The following DHRS12 variants were observed in gnomAD, a reference collection of about 807,000 sequenced individuals.
DHRS12 encodes the protein dehydrogenase/reductase 12.
A neutral mutation model predicts 32.1 loss-of-function variants in DHRS12; 29 were observed. The observed-to-expected ratio is 0.90, with a 90% confidence interval of 0.67 to 1.23. The LOEUF (loss-of-function observed/expected upper bound fraction) is 1.23. Among genes scored for constraint, DHRS12 ranks in the 50% most tolerant of loss-of-function variants. The pLI is 0.00. For missense variants in DHRS12, 330 were observed against 337.2 expected (o/e 0.98, Z 0.17); for synonymous variants, 150 against 135.9 (o/e 1.10, Z -0.72).
chr13:51,795,587 A>T (rs1253559465), intron 2 of DHRS12, among the ~76,000 whole-genome samples: 1 of 152,176 alleles, frequency 6.6e-6, no homozygotes, highest in African/African-American at 2.4e-5. Flanking sequence ...GGAAGGTGAG[A>T]ACTCAACCAG....
chr13:51,772,164 T>TAGCA (rs1416170516), intron 6 of DHRS12, among the ~76,000 whole-genome samples: 2 of 152,066 alleles, frequency 1.3e-5, no homozygotes, highest in African/African-American at 4.8e-5. Context: ...AGAGAAGGAA[T>TAGCA]AGCAGGCCCA....
At chr13:51,771,378 G>C (rs140377210) in intron 7 of DHRS12, 2 of 1,613,916 alleles carry the variant, frequency 1.2e-6, no homozygotes, top group South Asian at 1.1e-5. Flanking sequence ...CAGATCATTC[G>C]AGCTGTGTCC....
chr13:51,792,213 C>T (rs183209917), intron 2 of DHRS12, among the ~76,000 whole-genome samples: 1 of 152,328 alleles, frequency 6.6e-6, no homozygotes, highest in Admixed American at 6.5e-5. Flanking sequence ...TGCATTTCCA[C>T]AAATGGTGTG....
chr13:51,789,597 C>T, intron 4 of DHRS12: 2 of 985,388 alleles, frequency 2.0e-6, no homozygotes, highest in Non-Finnish European at 2.4e-6. Context: ...GCAACCAGAG[C>T]CCAGGTATCT....
rs1214154144 is a variant in DHRS12, at chr13:51,769,238, G to A, written c.615C>T (p.Ser205=). The change falls in exon 8 of 9, where the codon TCC becomes TCT. Residue 205 remains serine (S), a synonymous_variant. Transcript: ENST00000444610. ...GCATGGTGTCCGCGCCCTGGGCCTC[G>A]GAGCGCAGGCGGTCCCCGAACCTGG... ...FHARFGDRLR[S]EAQGADTMLW... is the part of the protein sequence containing the mutation. 9 of 1,589,986 alleles carry A rather than the reference G, an allele frequency of 5.7e-6. No homozygotes were observed. The highest frequency in any genetic ancestry group is 2.3e-5 in the South Asian group (2 of 87,326).
At chr13:51,765,758 AG>A (rs1953726711), downstream of DHRS12, 1 of 152,202 alleles carries the variant, frequency 6.6e-6, no homozygotes, top group African/African-American at 2.4e-5. Context: ...AAGATGGTGA[AG>A]TTTCTTTTCA....
At position 51,791,091 on chromosome 13, in the gene DHRS12, T is replaced by C. The variant is rs1038637457; in HGVS notation, c.219+74A>G. 10 of 1,039,862 alleles carry C rather than the reference T, an allele frequency of 9.6e-6. No individual in the cohort carries two copies. In the African/African-American group the frequency reaches 1.1e-4, roughly 12 times the overall value. 64.4% of individuals were successfully genotyped at this position (1,039,862 alleles called of 1,614,324 possible). ...TTCCATAAAGACAGGCAAACATACA[T>C]ATCCGTCCACATCCACAGACGGAAA... On this transcript the variant is annotated intron_variant, in intron 3 of 8. Transcript: ENST00000444610.
chr13:51,760,538 G>C, the DHRS12 span: 1 of 152,084 alleles, frequency 6.6e-6, no homozygotes, highest in Non-Finnish European at 1.5e-5. Flanking sequence ...TCAACGATCA[G>C]TGCCTGGATC....
At chr13:51,787,964 A>G (rs181802729) in intron 4 of DHRS12, among the ~76,000 whole-genome samples, 5 of 141,780 alleles carry the variant, frequency 3.5e-5, no homozygotes, top group African/African-American at 1.3e-4. Flanking sequence ...ATACATATAT[A>G]TGCAACTCTC....
chr13:51,768,528 C>T, intron 8 of DHRS12: 2 of 1,388,108 alleles, frequency 1.4e-6, no homozygotes, highest in South Asian at 1.6e-5. Flanking sequence ...CGGGAGACCA[C>T]GTTTGGGTGA....
chr13:51,787,877 T>A (rs1188661594), intron 4 of DHRS12, among the ~76,000 whole-genome samples: 3 of 121,692 alleles, frequency 2.5e-5, no homozygotes, highest in African/African-American at 3.2e-5. Context: ...AAATATATAA[T>A]TATATATAAT....
chr13:51,785,953 A>G (rs572429257), intron 4 of DHRS12, among the ~76,000 whole-genome samples: 45 of 152,232 alleles, frequency 3.0e-4, no homozygotes, highest in Non-Finnish European at 6.2e-4. Context: ...GAGAGAATCC[A>G]AGAAAAGCCT....
At chr13:51,784,794 A>G (rs949707433) in intron 4 of DHRS12, among the ~76,000 whole-genome samples, 1 of 152,262 alleles carries the variant, frequency 6.6e-6, no homozygotes, top group East Asian at 1.9e-4. Flanking sequence ...AACTCCCTTC[A>G]TGGATGAAAA....
Position 51,768,080 on chromosome 13 carries a change from G to A in DHRS12, c.*107C>T. The stretch of plus-strand genomic sequence containing the variant: ...TGTAGGCCTCGCTGTGAGGCACAAC[G>A]TCTTCGAGGGGAAGTTGAAGTGGGG... On this transcript the variant is annotated 3_prime_UTR_variant, in exon 9 of 9. Coordinates refer to ENST00000444610, the MANE Select transcript of DHRS12 (RefSeq NM_001377533.1). The A allele has an allele frequency of 5.4e-6, 8 of 1,489,858 alleles. No homozygotes were observed. Among genetic ancestry groups the A allele is most frequent in the South Asian group, 1.3e-5 (1 of 75,414 alleles). 92.3% of individuals were successfully genotyped at this position (1,489,858 alleles called of 1,614,324 possible).
the DHRS12 span, chr13:51,759,898 C>A: frequency 9.6e-7 from 1 of 1,042,708 alleles, no homozygotes; most frequent in Non-Finnish European, 1.4e-6. Flanking sequence ...AATGAATTTG[C>A]AGATTACCCA....
chr13:51,759,538 A>G, the DHRS12 span, among the ~76,000 whole-genome samples: 2 of 152,206 alleles, frequency 1.3e-5, no homozygotes, highest in East Asian at 3.8e-4. Flanking sequence ...CTGCATCAAA[A>G]TTTCAAGCTG....
At chr13:51,780,564 G>C (rs765275937) in intron 4 of DHRS12, among the ~76,000 whole-genome samples, 1 of 152,130 alleles carries the variant, frequency 6.6e-6, no homozygotes, top group Non-Finnish European at 1.5e-5. Context: ...TCATTATGTC[G>C]ATGGCGGTTC....
intron 2 of DHRS12, among the ~76,000 whole-genome samples, chr13:51,793,943 G>A (rs1955394117): frequency 6.6e-6 from 1 of 152,224 alleles, no homozygotes; most frequent in African/African-American, 2.4e-5. Context: ...GAGTGAAAAG[G>A]AGGCAATAGC....
At chr13:51,792,379 G>A (rs141517963) in intron 2 of DHRS12, among the ~76,000 whole-genome samples, 7 of 152,108 alleles carry the variant, frequency 4.6e-5, no homozygotes, top group Admixed American at 4.6e-4. Context: ...TCATATATGT[G>A]TTGGCCATTT....
Sources: gnomAD v4.1 joint callset for allele counts (sites outside exome capture counted in the v4.1 genomes callset) on GRCh38, gnomAD v4.1.1 for gene constraint, MANE v1.5 for transcripts, NCBI Gene and HGNC (gene_info 2026-07-23, HGNC 2026-07-21) for gene names.